CTBP2: variants seen among roughly 807,000 people sequenced by gnomAD.
CTBP2 encodes C-terminal-binding protein 2.
Under a neutral mutation model 80.3 loss-of-function variants are expected in CTBP2, and 30 were observed. That is an observed-to-expected ratio of 0.37 (90% confidence interval 0.28 to 0.51). The LOEUF is 0.51. CTBP2 is among the 20% of genes least tolerant of loss of function. The pLI is 0.93. For synonymous variants in CTBP2, 594 were observed against 587.4 expected (o/e 1.01, Z -0.16); for missense variants, 1,212 against 1,375.3 (o/e 0.88, Z 1.88).
chr10:125,085,166 G>A (rs999958644), intron 2 of CTBP2, among the ~76,000 whole-genome samples: 39 of 152,274 alleles, frequency 2.6e-4, no homozygotes, highest in African/African-American at 8.4e-4. Context: ...GAAATGAGGC[G>A]GATTGCAAAC....
intron 1 of CTBP2, among the ~76,000 whole-genome samples, chr10:125,134,896 C>T (rs1488248269): frequency 1.3e-5 from 2 of 150,342 alleles, no homozygotes; most frequent in Admixed American, 6.6e-5. Flanking sequence ...CCCCCTGCCC[C>T]CTGCCCCCGG....
At position 124,984,719 on chromosome 10, in the gene CTBP2, C is replaced by T; in HGVS notation, c.*4799G>A. The T allele has an allele frequency of 6.4e-7, 1 of 1,553,020 alleles. No homozygotes were observed. Among genetic ancestry groups the T allele is most frequent in the Non-Finnish European group, 8.8e-7 (1 of 1,140,436 alleles). ...TGTAGGTTTCCATGTCACATTCCTA[C>T]CAAGTCTCTGATCTGTTGTATGATT... On this transcript the variant is annotated 3_prime_UTR_variant, in exon 9 of 9. Transcript: ENST00000309035.
At chr10:124,997,900 G>C in intron 4 of CTBP2, 64 bp downstream of exon 6, 1 of 1,533,198 alleles carries the variant, frequency 6.5e-7, no homozygotes, top group Non-Finnish European at 8.8e-7. Flanking sequence ...TTTCCCGAGG[G>C]GTCCCCACTA....
At chr10:125,126,912 T>C (rs554341778) in intron 1 of CTBP2, among the ~76,000 whole-genome samples, 2 of 150,536 alleles carry the variant, frequency 1.3e-5, no homozygotes, top group Non-Finnish European at 3.0e-5. Context: ...CACACGTGCA[T>C]ACACACACAC....
chr10:125,051,272 T>C (rs1962684578), intron 2 of CTBP2, among the ~76,000 whole-genome samples: 1 of 152,228 alleles, frequency 6.6e-6, no homozygotes. Context: ...CCACTCCTCA[T>C]GTACTTCCTG....
At chr10:125,098,059 C>T (rs972187959) in intron 2 of CTBP2, among the ~76,000 whole-genome samples, 1 of 152,072 alleles carries the variant, frequency 6.6e-6, no homozygotes, top group Admixed American at 6.5e-5. Context: ...AGGCGGAGAT[C>T]GCAGTGAACC....
upstream of CTBP2, among the ~76,000 whole-genome samples, chr10:125,162,143 A>G (rs1008416257): frequency 6.6e-6 from 1 of 152,188 alleles, no homozygotes; most frequent in Non-Finnish European, 1.5e-5. Flanking sequence ...CTTAGGATCG[A>G]TTTGTTTAAA....
chr10:125,038,699 A>G (rs11599762), intron 3 of CTBP2, among the ~76,000 whole-genome samples: 1 of 152,130 alleles, frequency 6.6e-6, no homozygotes, highest in African/African-American at 2.4e-5. Flanking sequence ...CCTAATCAAC[A>G]CCATCTTTTA....
chr10:125,048,788 C>T (rs1055421648), intron 2 of CTBP2, among the ~76,000 whole-genome samples: 2 of 152,158 alleles, frequency 1.3e-5, no homozygotes, highest in Non-Finnish European at 2.9e-5. Context: ...TGGGCTGCTC[C>T]GCAAATGCCC....
intron 4 of CTBP2, 144 bp downstream of exon 6, chr10:124,997,820 T>C: frequency 1.3e-6 from 1 of 798,592 alleles, no homozygotes; most frequent in Non-Finnish European, 2.0e-6. Flanking sequence ...TCCGATCTCC[T>C]ACCCCGTGCA....
rs7898262 is a variant in CTBP2 at position 124,997,834 on chromosome 10, C to T, written c.2185+130G>A. On this transcript the variant is annotated intron_variant, in intron 4 of 8. Transcript: ENST00000309035. ...CTCCGATCTCCTACCCCGTGCAACA[C>T]GGGGAGGGTGCTGGCCCTGCCTGCC... 7,641 of 920,778 alleles carry T rather than the reference C, an allele frequency of 8.3e-3. 381 individuals carry two copies. The African/African-American group carries it at 0.11, about 13-fold the overall frequency. The allele number at this position is 920,778 out of a possible 1,614,324, so 57.0% of individuals were successfully genotyped here.
chr10:125,130,653 G>C (rs114130599), intron 1 of CTBP2, among the ~76,000 whole-genome samples: 1,716 of 152,262 alleles, frequency 0.011, 31 homozygotes, highest in African/African-American at 0.038. Context: ...TTAAAATATA[G>C]TGCGTGGACA....
At chr10:125,151,030 T>A (rs1307654420) in intron 1 of CTBP2, among the ~76,000 whole-genome samples, 3 of 151,302 alleles carry the variant, frequency 2.0e-5, no homozygotes, top group Non-Finnish European at 2.9e-5. Context: ...CAATGAAGAG[T>A]CAGGGCAACG....
rs1316206148 is a variant in CTBP2 at position 125,133,826 on chromosome 10, T to TGTGA, written c.-205-22737_-205-22734dup. Among the ~76,000 whole-genome samples the TGTGA allele has an allele frequency of 2.0e-5, 3 of 152,228 alleles. No individual in the cohort carries two copies. In the East Asian group the frequency reaches 5.8e-4, roughly 29 times the overall value. On this transcript the variant is annotated intron_variant, in intron 1 of 10. Transcript: ENST00000337195. Reference sequence around the variant, plus strand: ...GAAGTATACCATCTCTCCTCCACACTGTGAGCTCTTTAGGGACAGGGAAGT... The same window carrying TGTGA: ...GAAGTATACCATCTCTCCTCCACACTGTGAGTGAGCTCTTTAGGGACAGGGAAGT...
At chr10:124,992,978 G>GC (rs1405552038) in intron 7 of CTBP2, among the ~76,000 whole-genome samples, 166 bp from the exon 10 acceptor site, 1 of 152,090 alleles carries the variant, frequency 6.6e-6, no homozygotes, top group African/African-American at 2.4e-5. Context: ...GCCTCTGTGT[G>GC]CCCCCCGACC....
upstream of CTBP2, among the ~76,000 whole-genome samples, chr10:125,030,791 C>T (rs2938002): frequency 6.6e-6 from 1 of 151,976 alleles, no homozygotes; most frequent in Non-Finnish European, 1.5e-5. Context: ...CAGGGAATAG[C>T]TCATTCTCAG....
chr10:125,023,951 T>C (rs1458321831), intron 1 of CTBP2, among the ~76,000 whole-genome samples: 1 of 152,156 alleles, frequency 6.6e-6, no homozygotes, highest in African/African-American at 2.4e-5. Flanking sequence ...GCACTTGAGT[T>C]AGGCGGCACC....
intron 2 of CTBP2, among the ~76,000 whole-genome samples, chr10:125,100,001 A>G (rs1850363199): frequency 6.6e-6 from 1 of 152,262 alleles, no homozygotes; most frequent in Non-Finnish European, 1.5e-5. Context: ...GGGCGGACAC[A>G]GAAGGTCTCA....
chr10:125,155,735 C>T (rs897811342), intron 1 of CTBP2, among the ~76,000 whole-genome samples: 6 of 151,440 alleles, frequency 4.0e-5, no homozygotes, highest in African/African-American at 1.5e-4. Flanking sequence ...CCATCAAACA[C>T]AGACTTGAAT....
Sources: allele counts gnomAD v4.1 joint callset (sites outside exome capture counted in the v4.1 genomes callset), GRCh38; gene constraint gnomAD v4.1.1; transcripts MANE v1.5; gene names NCBI Gene and HGNC (gene_info 2026-07-23, HGNC 2026-07-21).